The following CCDC66 variants were observed in gnomAD, a reference collection of about 807,000 sequenced individuals.
The protein encoded by CCDC66 is coiled-coil domain-containing protein 66.
In CCDC66, 133 loss-of-function variants were observed where a neutral mutation model predicts 128.3. The ratio of observed to expected loss-of-function variants is 1.04; its 90% confidence interval spans 0.90 to 1.20. CCDC66 has a LOEUF of 1.20. Among genes scored for constraint, CCDC66 ranks in the 50% most tolerant of loss-of-function variants. CCDC66 has a pLI of 0.00. For missense variants in CCDC66, 1,126 were observed against 1,075.5 expected (o/e 1.05, Z -0.66); for synonymous variants, 387 against 357.0 (o/e 1.08, Z -0.95).
intron 7 of CCDC66, among the ~76,000 whole-genome samples, chr3:56,579,220 G>A (rs1051990796): frequency 7.9e-5 from 12 of 151,822 alleles, no homozygotes; most frequent in Non-Finnish European, 1.5e-4. Flanking sequence ...ATTCTCTGAT[G>A]TTAGTTTGTA....
rs550380347 is a variant in CCDC66, at chr3:56,577,402, G to A, written c.936+6100G>A. Among the ~76,000 whole-genome samples the A allele has an allele frequency of 1.3e-3, 201 of 151,872 alleles. 1 individual carries two copies. The highest frequency in any genetic ancestry group is 4.4e-3 in the African/African-American group (183 of 41,528). On this transcript the variant is annotated intron_variant, in intron 7 of 17. Transcript: ENST00000394672. ...GTTTACTCTGATGGTAGTTTCTTTTGCTGTGCAGAAGCTCTTTAGTTTAAT... is the reference window on the plus strand; with the variant it reads ...GTTTACTCTGATGGTAGTTTCTTTTACTGTGCAGAAGCTCTTTAGTTTAAT...
intron 7 of CCDC66, among the ~76,000 whole-genome samples, chr3:56,584,512 G>T (rs533118879): frequency 2.0e-5 from 3 of 149,140 alleles, no homozygotes; most frequent in Non-Finnish European, 3.0e-5. Context: ...GGGCAGAGGC[G>T]CTCCCCACAT....
At chr3:56,590,461 A>G (rs1215802922) in intron 7 of CCDC66, among the ~76,000 whole-genome samples, 3 of 152,148 alleles carry the variant, frequency 2.0e-5, no homozygotes, top group Admixed American at 6.5e-5. Flanking sequence ...TGGGTTTCCT[A>G]TGAGTTTTCA....
intron 7 of CCDC66, among the ~76,000 whole-genome samples, chr3:56,575,429 G>T (rs903623343): frequency 6.6e-6 from 1 of 151,810 alleles, no homozygotes; most frequent in East Asian, 2.0e-4. Flanking sequence ...ATTTCAGTCA[G>T]GTTTTTTGGG....
At chr3:56,587,994 C>T (rs1180906978) in intron 7 of CCDC66, among the ~76,000 whole-genome samples, 1 of 152,348 alleles carries the variant, frequency 6.6e-6, no homozygotes, top group East Asian at 1.9e-4. Flanking sequence ...CTTGGACACA[C>T]ATTTATAGCA....
intron 10 of CCDC66, among the ~76,000 whole-genome samples, chr3:56,607,755 G>C (rs764167790): frequency 6.6e-6 from 1 of 152,150 alleles, no homozygotes; most frequent in Non-Finnish European, 1.5e-5. Context: ...TCCCCATTCA[G>C]TATTATGTTG....
At chr3:56,586,336 G>A (rs2069718130) in intron 7 of CCDC66, among the ~76,000 whole-genome samples, 1 of 151,430 alleles carries the variant, frequency 6.6e-6, no homozygotes. Flanking sequence ...AGACCATCCT[G>A]GCCAACATGG....
chr3:56,566,344 C>G (rs895218236), intron 4 of CCDC66, among the ~76,000 whole-genome samples: 1 of 152,080 alleles, frequency 6.6e-6, no homozygotes, highest in East Asian at 1.9e-4. Flanking sequence ...AGGCTGATCT[C>G]GAACTCCTGA....
intron 7 of CCDC66, among the ~76,000 whole-genome samples, chr3:56,586,130 TTTG>T (rs2069667073): frequency 6.6e-6 from 1 of 151,978 alleles, no homozygotes; most frequent in South Asian, 2.1e-4. Context: ...ATGCATTTGT[TTTG>T]TTAGAATATT....
chr3:56,588,532 A>C lies in CCDC66; in HGVS notation c.937-4438A>C, dbSNP rs966431636. On this transcript the variant is annotated intron_variant, in intron 7 of 17. Transcript: ENST00000394672. Reference sequence around the variant, plus strand: ...AAAACCGCAATTTACTTTTGCATCAACCTAAAAAATAAAAAGATCTCATGA... The same window carrying C: ...AAAACCGCAATTTACTTTTGCATCACCCTAAAAAATAAAAAGATCTCATGA... 5.9e-5 allele frequency among the ~76,000 whole-genome samples: 9 copies of C among 152,284 alleles called. 1 individual carries two copies. The highest frequency in any genetic ancestry group is 4.1e-4 in the South Asian group (2 of 4,832).
chr3:56,576,248 T>G (rs534373630), intron 7 of CCDC66, among the ~76,000 whole-genome samples: 2 of 151,522 alleles, frequency 1.3e-5, no homozygotes, highest in African/African-American at 4.8e-5. Flanking sequence ...TTACTCCTCC[T>G]TGGTTAAGTT....
At chr3:56,571,376 T>TTA (rs2066586178) in intron 7 of CCDC66, 74 bp downstream of exon 7, 2 of 843,500 alleles carry the variant, frequency 2.4e-6, no homozygotes, top group African/African-American at 3.9e-5. Context: ...TAAAGCTTAT[T>TTA]AAAAAAAAAA....
At chr3:56,575,796 G>A (rs2067280003) in intron 7 of CCDC66, among the ~76,000 whole-genome samples, 1 of 151,716 alleles carries the variant, frequency 6.6e-6, no homozygotes, top group South Asian at 2.1e-4. Flanking sequence ...TTTTGCATGT[G>A]GACATCTAGT....
rs547032159 is a variant in CCDC66 at position 56,601,942 on chromosome 3, C to G, written c.1404+7914C>G. 2.0e-5 allele frequency among the ~76,000 whole-genome samples: 3 copies of G among 152,152 alleles called. 1 individual carries two copies. The highest frequency in any genetic ancestry group is 2.0e-4 in the Admixed American group (3 of 15,292). On this transcript the variant is annotated intron_variant, in intron 10 of 17. Transcript: ENST00000394672. ...AGAGACAACTTAACTTCCTCTTTTC[C>G]TATTTGAATACCCTTTATTTCTTTC...
chr3:56,600,699 T>A (rs2073014561), intron 10 of CCDC66, among the ~76,000 whole-genome samples: 1 of 152,070 alleles, frequency 6.6e-6, no homozygotes, highest in Non-Finnish European at 1.5e-5. Flanking sequence ...GGTATCTCAT[T>A]GTGGTTTTGA....
chr3:56,616,895 T>C, intron 13 of CCDC66: 1 of 425,854 alleles, frequency 2.3e-6, no homozygotes, highest in South Asian at 5.9e-5. Context: ...CATCTTTTCA[T>C]GATTATCAGT....
intron 1 of CCDC66, 42 bp downstream of exon 1, chr3:56,557,295 G>A: frequency 2.5e-6 from 2 of 788,238 alleles, no homozygotes; most frequent in Non-Finnish European, 3.8e-6. Context: ...TAAGCAAGGT[G>A]GTCGTCAGCG....
intron 10 of CCDC66, among the ~76,000 whole-genome samples, chr3:56,609,220 T>C (rs975530497): frequency 8.5e-5 from 13 of 152,216 alleles, no homozygotes; most frequent in African/African-American, 2.9e-4. Flanking sequence ...TCCACTATTA[T>C]GGTGTTGCTA....
At position 56,571,383 on chromosome 3, in the gene CCDC66, A is replaced by AG; in HGVS notation, c.936+81_936+82insG. On this transcript the variant is annotated intron_variant, in intron 7 of 17. Coordinates refer to ENST00000394672, the MANE Select transcript of CCDC66 (RefSeq NM_001141947.3). ...TTTATTTTTAAAGCTTATTAAAAAA[A>AG]AAAAGTTTTTTTTTTGAGACGGAGT... 2.7e-6 allele frequency: 3 copies of AG among 1,128,476 alleles called. No individual in the cohort carries two copies. The South Asian group carries it at 4.6e-5, about 17-fold the overall frequency. The allele number at this position is 1,128,476 out of a possible 1,614,324, so 69.9% of individuals were successfully genotyped here.
Sources: gnomAD v4.1 joint callset for allele counts (sites outside exome capture counted in the v4.1 genomes callset) on GRCh38, gnomAD v4.1.1 for gene constraint, MANE v1.5 for transcripts, NCBI Gene and HGNC (gene_info 2026-07-23, HGNC 2026-07-21) for gene names.